USP6: variants seen among roughly 807,000 people sequenced by gnomAD.
USP6 encodes ubiquitin specific peptidase 6.
In USP6, 128 loss-of-function variants were observed where a neutral mutation model predicts 175.7. The observed-to-expected ratio is 0.73, with a 90% confidence interval of 0.63 to 0.84. The LOEUF (loss-of-function observed/expected upper bound fraction) is 0.84, where lower values mean the gene tolerates loss of function less well. USP6 is among the 40% of genes least tolerant of loss of function. The pLI is 0.00. For missense variants in USP6, 1,498 were observed against 1,760.3 expected, an observed-to-expected ratio of 0.85 and a Z score of 2.67; for synonymous variants, 562 against 630.6, an observed-to-expected ratio of 0.89 and a Z score of 1.63.
chr17:5,167,740 C>T (rs1260422137), intron 33 of USP6, among the ~76,000 whole-genome samples, 192 bp from the exon 34 acceptor site: 5 of 152,126 alleles, frequency 3.3e-5, no homozygotes, highest in East Asian at 1.9e-4. Flanking sequence ...TGGACTCAAG[C>T]GATTCCCCCC....
rs780429877 is a variant in USP6, at chr17:5,150,498, CT to C, written c.2643+1747del. On this transcript the variant is annotated intron_variant, in intron 30 of 37. Transcript: ENST00000574788. ...GTGGCTTTAAACAACAGAAATATATCTTTTTTTTTTTTTTTTGACAGAGTCT... is the reference window on the plus strand; with the variant it reads ...GTGGCTTTAAACAACAGAAATATATCTTTTTTTTTTTTTTTGACAGAGTCT... Among the ~76,000 whole-genome samples, 561 of 137,272 alleles carry C rather than the reference CT, an allele frequency of 4.1e-3. 10 individuals carry two copies. In the East Asian group the frequency reaches 0.063, roughly 16 times the overall value. The allele number at this position is 137,272 out of a possible 152,430, so 90.1% of individuals were successfully genotyped here.
intron 25 of USP6, among the ~76,000 whole-genome samples, chr17:5,143,097 C>T (rs1226151805): frequency 1.3e-5 from 2 of 152,200 alleles, no homozygotes; most frequent in Non-Finnish European, 2.9e-5. Flanking sequence ...GGTCAGCCCC[C>T]CACCCGGCCA....
intron 7 of USP6, chr17:5,128,572 CAT>C (rs1213189675): frequency 6.6e-6 from 1 of 152,432 alleles, no homozygotes; most frequent in African/African-American, 2.4e-5. Context: ...TGGGTGCACA[CAT>C]GAGTGGGGCA....
Position 5,135,287 on chromosome 17 carries a change from G to A in USP6, c.543+5G>A, listed in dbSNP as rs1253907260. 2.1e-5 allele frequency: 34 copies of A among 1,612,568 alleles called. No individual in the cohort carries two copies. The highest frequency in any genetic ancestry group is 2.7e-5 in the Non-Finnish European group (32 of 1,178,986). ...GCCTATTCGGAGTATAACCCGGTGAGTATTCCCGGCAGTGAGGTTCCCAGG... is the reference window on the plus strand; with the variant it reads ...GCCTATTCGGAGTATAACCCGGTGAATATTCCCGGCAGTGAGGTTCCCAGG... On this transcript the variant is annotated splice_donor_5th_base_variant and intron_variant, in intron 16 of 37. Transcript: ENST00000574788.
At chr17:5,163,050 A>G in intron 33 of USP6, 46 bp downstream of exon 33, 3 of 1,505,758 alleles carry the variant, frequency 2.0e-6, no homozygotes, top group Non-Finnish European at 2.6e-6. Flanking sequence ...TATATGGGAA[A>G]TTTCCCCCAG....
At chr17:5,158,201 CTA>C (rs2073926573) in intron 31 of USP6, among the ~76,000 whole-genome samples, 1 of 152,068 alleles carries the variant, frequency 6.6e-6, no homozygotes, top group South Asian at 2.1e-4. Context: ...TTCCCATGAT[CTA>C]TACATGAACT....
intron 30 of USP6, 24 bp from the exon 31 acceptor site, chr17:5,155,398 C>G: frequency 2.5e-6 from 4 of 1,609,950 alleles, no homozygotes; most frequent in Non-Finnish European, 3.4e-6. Flanking sequence ...CTTCTCAACT[C>G]TCTATTCTCG....
chr17:5,167,706 T>A (rs1438059732), intron 33 of USP6, among the ~76,000 whole-genome samples: 1 of 152,114 alleles, frequency 6.6e-6, no homozygotes, highest in Non-Finnish European at 1.5e-5. Context: ...TCTCACTCTG[T>A]TGGCCAGGCT....
chr17:5,137,463 A>G (rs7221061), intron 19 of USP6, among the ~76,000 whole-genome samples, 188 bp from the exon 20 acceptor site: 2 of 152,140 alleles, frequency 1.3e-5, no homozygotes, highest in South Asian at 2.1e-4. Context: ...GGAGCCACAT[A>G]CCCACTCAAA....
rs2144180965 is a variant in USP6, at chr17:5,170,504, T to G, written c.3543T>G (p.Ser1181Arg). Residue 1181 changes from serine (S) to arginine (R), a missense_variant, in exon 36 of 38, where the codon AGT becomes AGG. Ser to Arg is a moderately radical substitution (Grantham distance 110). Transcript: ENST00000574788. The part of the protein sequence containing the change: ...PKGSPSSSRK[S>R]GTSCPSSKNS... Reference sequence around the variant, plus strand: ...GTTCTCCTTCTTCATCAAGAAAAAGTGGAACCAGCTGTCCCTCCAGCAAAA... The same window carrying G: ...GTTCTCCTTCTTCATCAAGAAAAAGGGGAACCAGCTGTCCCTCCAGCAAAA... 3.7e-6 allele frequency: 6 copies of G among 1,610,184 alleles called. No individual in the cohort carries two copies. The East Asian group carries it at 1.1e-4, about 30-fold the overall frequency.
intron 35 of USP6, among the ~76,000 whole-genome samples, 157 bp from the exon 36 acceptor site, chr17:5,170,322 C>T (rs373630070): frequency 6.6e-6 from 1 of 152,174 alleles, no homozygotes; most frequent in Non-Finnish European, 1.5e-5. Context: ...ATGTAACTTA[C>T]TGGCTACACA....
chr17:5,170,946 GTGGTC>G, intron 36 of USP6, 31 bp downstream of exon 36: 1 of 1,601,708 alleles, frequency 6.2e-7, no homozygotes, highest in East Asian at 2.2e-5. Flanking sequence ...TTTTCAGAGA[GTGGTC>G]TGTGTTTTGT....
Position 5,161,553 on chromosome 17 carries a change from C to G in USP6, c.2854C>G (p.Pro952Ala). ...DRDNCMGYQY[P>A]FTLRVVQKDG... Reference sequence around the variant, plus strand: ...TGATAACTGTATGGGCTATCAATATCCATTCACTCTACGAGTTGTGCAGAA... The same window carrying G: ...TGATAACTGTATGGGCTATCAATATGCATTCACTCTACGAGTTGTGCAGAA... The change falls in exon 32 of 38, where the codon CCA becomes GCA. Residue 952 changes from proline to alanine, a missense_variant. Pro to Ala is a conservative substitution (Grantham distance 27, BLOSUM62 -1). Around this residue, in one of 2 missense-constraint regions of USP6, gnomAD observed 1,217 missense variants for 1,500.8 expected, o/e 0.81. Transcript: ENST00000574788. The G allele has an allele frequency of 6.2e-7, 1 of 1,613,972 alleles. No individual in the cohort carries two copies. The highest frequency in any genetic ancestry group is 8.5e-7 in the Non-Finnish European group (1 of 1,179,880).
chr17:5,146,757 A>G lies in USP6; in HGVS notation c.2320-326A>G, dbSNP rs544293787. Among the ~76,000 whole-genome samples, 6 of 152,264 alleles carry G rather than the reference A, an allele frequency of 3.9e-5. No individual in the cohort carries two copies. The East Asian group carries it at 9.6e-4, about 24-fold the overall frequency. ...GGATTTCTGAACACACTCTCACCTC[A>G]TTGACATTTTCTTAATATGAAATGC... On this transcript the variant is annotated intron_variant, in intron 28 of 37. Coordinates refer to ENST00000574788, the MANE Select transcript of USP6 (RefSeq NM_001304284.2).
chr17:5,151,427 CTGCATG>C (rs1377506533), intron 30 of USP6, among the ~76,000 whole-genome samples: 1 of 120,782 alleles, frequency 8.3e-6, no homozygotes, highest in Non-Finnish European at 1.7e-5. Context: ...AATGCAAAGT[CTGCATG>C]TGTGTGTGTG....
At chr17:5,137,048 T>A in intron 18 of USP6, 73 bp from the exon 19 acceptor site, 1 of 1,518,510 alleles carries the variant, frequency 6.6e-7, no homozygotes, top group Non-Finnish European at 9.1e-7. Flanking sequence ...GGGAAAGGTC[T>A]TCAGAGGCCC....
intron 31 of USP6, 97 bp from the exon 32 acceptor site, chr17:5,161,431 A>ATGCCC: frequency 7.8e-7 from 1 of 1,281,146 alleles, no homozygotes; most frequent in Non-Finnish European, 1.1e-6. Context: ...GCTGTGGCAA[A>ATGCCC]TGCCCCTTCC....
chr17:5,145,613 C>T, intron 27 of USP6, 34 bp downstream of exon 27: 1 of 1,532,226 alleles, frequency 6.5e-7, no homozygotes, highest in South Asian at 1.3e-5. Flanking sequence ...TTACTTGATT[C>T]CATTAAATTT....
chr17:5,148,307 T>C (rs1378338481), intron 29 of USP6, among the ~76,000 whole-genome samples: 9 of 152,324 alleles, frequency 5.9e-5, no homozygotes, highest in Non-Finnish European at 1.0e-4. Flanking sequence ...CTGATACAGG[T>C]TTCTGCAAAA....
Sources: allele counts gnomAD v4.1 joint callset (sites outside exome capture counted in the v4.1 genomes callset), GRCh38; gene constraint gnomAD v4.1.1; regional missense constraint gnomAD v4.1.1; transcripts MANE v1.5; gene names NCBI Gene and HGNC (gene_info 2026-07-23, HGNC 2026-07-21).